MAPK14: variants seen among roughly 807,000 people sequenced by gnomAD.
MAPK14 encodes CSAID-binding protein.
A neutral mutation model predicts 49.6 loss-of-function variants in MAPK14; 16 were observed. That is an observed-to-expected ratio of 0.32 (90% CI 0.22 to 0.49). The LOEUF is 0.49. Among genes scored for constraint, MAPK14 ranks in the 20% least tolerant of loss-of-function variants. The pLI, the probability that MAPK14 is intolerant of heterozygous loss-of-function variation, is 0.99. For missense variants in MAPK14, 200 were observed against 441.2 expected (o/e 0.45, Z 4.90); for synonymous variants, 142 against 158.0 (o/e 0.90, Z 0.76).
At chr6:36,041,906 T>G (rs1762975047) in intron 1 of MAPK14, among the ~76,000 whole-genome samples, 1 of 152,120 alleles carries the variant, frequency 6.6e-6, no homozygotes, top group Non-Finnish European at 1.5e-5. Context: ...TGTATGAAGG[T>G]ATTGATGTGT....
At chr6:36,090,101 G>A (rs149881788) in intron 8 of MAPK14, among the ~76,000 whole-genome samples, 33 of 152,138 alleles carry the variant, frequency 2.2e-4, no homozygotes, top group Non-Finnish European at 4.0e-4. Context: ...CTGGTCTATG[G>A]GAGTTTTCCT....
intron 1 of MAPK14, among the ~76,000 whole-genome samples, chr6:36,039,794 C>G (rs904013849): frequency 2.0e-5 from 3 of 152,006 alleles, no homozygotes; most frequent in African/African-American, 7.3e-5. Flanking sequence ...CACTTGAGGT[C>G]AGGAGTTTGA....
intron 8 of MAPK14, chr6:36,092,507 T>G (rs1433847414): frequency 1.1e-5 from 6 of 550,724 alleles, no homozygotes; most frequent in South Asian, 4.7e-5. Flanking sequence ...TATGTTTCAC[T>G]GAGTCCCAAG....
chr6:36,109,914 CTTCTT>C lies in MAPK14; in HGVS notation c.*1468_*1472del, dbSNP rs995725085. The C allele has an allele frequency of 1.2e-4, 19 of 152,576 alleles. No individual in the cohort carries two copies. Among genetic ancestry groups the C allele is most frequent in the Non-Finnish European group, 2.6e-4 (18 of 68,018 alleles). 9.5% of individuals were successfully genotyped at this position (152,576 alleles called of 1,614,324 possible). ...GGTCTTCTTGGCAGCTTAACATTGACTTCTTGGTTTGGGGAGAAATAAATTTTGTT... is the reference window on the plus strand; with the variant it reads ...GGTCTTCTTGGCAGCTTAACATTGACGGTTTGGGGAGAAATAAATTTTGTT... On this transcript the variant is annotated 3_prime_UTR_variant, in exon 12 of 12. Transcript: ENST00000229794.
At chr6:36,086,569 C>T (rs139868635) in intron 8 of MAPK14, among the ~76,000 whole-genome samples, 73 of 152,256 alleles carry the variant, frequency 4.8e-4, no homozygotes, top group African/African-American at 1.6e-3. Context: ...GGATGAATTC[C>T]TGGACACATA....
At position 36,028,420 on chromosome 6, in the gene MAPK14, C is replaced by T; in HGVS notation, c.116+147C>T. On this transcript the variant is annotated intron_variant, in intron 1 of 11. Coordinates refer to ENST00000229794, the MANE Select transcript of MAPK14 (RefSeq NM_139012.3). The surrounding 1 kb of genome is among the most constrained non-coding windows in gnomAD (Gnocchi z 5.1). ...GCTGCCCCTTCGAGCTCTGCCCGTT[C>T]TGCACCTCCAGCACCCCTCGCCCTG... is the stretch of plus-strand genomic sequence containing the variant. 1.6e-6 allele frequency: 1 copy of T among 619,954 alleles called. No homozygotes were observed. Among genetic ancestry groups the T allele is most frequent in the South Asian group, 1.9e-5 (1 of 52,066 alleles). 38.4% of individuals were successfully genotyped at this position (619,954 alleles called of 1,614,324 possible). A position where few individuals can be genotyped will look rare whatever the true frequency, so the allele number is the denominator to read the frequency against.
At chr6:36,080,536 A>C (rs1764713521) in intron 8 of MAPK14, among the ~76,000 whole-genome samples, 1 of 152,248 alleles carries the variant, frequency 6.6e-6, no homozygotes, top group African/African-American at 2.4e-5. Flanking sequence ...AGCATGTATC[A>C]GAATACTATT....
chr6:36,115,568 T>A (rs370388810), downstream of MAPK14, among the ~76,000 whole-genome samples: 1 of 151,756 alleles, frequency 6.6e-6, no homozygotes, highest in Non-Finnish European at 1.5e-5. Context: ...GCAGAACACT[T>A]GAGGTCAGGA....
At chr6:36,090,426 C>T (rs79062678) in intron 8 of MAPK14, among the ~76,000 whole-genome samples, 17,995 of 151,798 alleles carry the variant, frequency 0.12, 1,172 homozygotes, top group African/African-American at 0.17. Context: ...TGAGGCTGGT[C>T]TAGAACTCCA....
chr6:36,043,057 A>C (rs538095455), intron 1 of MAPK14, among the ~76,000 whole-genome samples: 12 of 152,128 alleles, frequency 7.9e-5, no homozygotes, highest in African/African-American at 2.9e-4. Context: ...CTGGGAAGTC[A>C]AAGCTGCATT....
At chr6:36,057,117 G>T (rs1763619306) in intron 2 of MAPK14, among the ~76,000 whole-genome samples, 1 of 152,050 alleles carries the variant, frequency 6.6e-6, no homozygotes, top group South Asian at 2.1e-4. Context: ...CTGTAATTCT[G>T]TTTCTTGAAA....
intron 8 of MAPK14, among the ~76,000 whole-genome samples, chr6:36,083,612 T>C (rs1474618835): frequency 6.6e-6 from 1 of 152,198 alleles, no homozygotes; most frequent in Non-Finnish European, 1.5e-5. Flanking sequence ...CTCTTTAGGC[T>C]GAACTCTGAC....
intron 1 of MAPK14, among the ~76,000 whole-genome samples, chr6:36,037,743 T>C (rs1028723129): frequency 2.0e-5 from 3 of 152,112 alleles, no homozygotes; most frequent in Admixed American, 6.6e-5. Flanking sequence ...TCCTGCACTT[T>C]GGGAGGCCAA....
At chr6:36,034,900 T>C (rs976482928) in intron 1 of MAPK14, among the ~76,000 whole-genome samples, 1 of 143,724 alleles carries the variant, frequency 7.0e-6, no homozygotes, top group Non-Finnish European at 1.5e-5. Flanking sequence ...TTTCTTTCTT[T>C]TTTTTTTTTT....
chr6:36,120,852 T>G, the MAPK14 span, among the ~76,000 whole-genome samples: 1 of 152,148 alleles, frequency 6.6e-6, no homozygotes, highest in Non-Finnish European at 1.5e-5. Flanking sequence ...CTGGCAAAAT[T>G]TGGTTGAATG....
At chr6:36,055,219 T>C (rs1193500034) in intron 2 of MAPK14, among the ~76,000 whole-genome samples, 1 of 152,252 alleles carries the variant, frequency 6.6e-6, no homozygotes, top group Non-Finnish European at 1.5e-5. Context: ...GGGCAGACAC[T>C]ACAGAGATGG....
At chr6:36,103,206 C>A (rs1306645533) in intron 10 of MAPK14, among the ~76,000 whole-genome samples, 1 of 152,188 alleles carries the variant, frequency 6.6e-6, no homozygotes, top group Non-Finnish European at 1.5e-5. Context: ...AGCTTATTTG[C>A]TACCTAAACT....
At chr6:36,092,851 T>C (rs1426636902) in intron 8 of MAPK14, among the ~76,000 whole-genome samples, 3 of 152,162 alleles carry the variant, frequency 2.0e-5, no homozygotes, top group African/African-American at 7.2e-5. Context: ...TTTATCAAGC[T>C]GCTCTGTGGA....
chr6:36,082,734 A>G (rs548531132), intron 8 of MAPK14, among the ~76,000 whole-genome samples: 239 of 152,200 alleles, frequency 1.6e-3, no homozygotes, highest in African/African-American at 5.5e-3. Context: ...ATCAGGCCCC[A>G]CCTCCAACAT....
Sources: gnomAD v4.1 joint callset for allele counts (sites outside exome capture counted in the v4.1 genomes callset) on GRCh38, gnomAD v4.1.1 for gene constraint, Gnocchi (gnomAD v3.1) non-coding constraint, MANE v1.5 for transcripts, NCBI Gene and HGNC (gene_info 2026-07-23, HGNC 2026-07-21) for gene names.